The following BFSP2 variants were observed in gnomAD, a reference collection of about 807,000 sequenced individuals.
BFSP2 encodes the protein beaded filament structural protein 2, also known as phakinin.
BFSP2 carries 38 observed loss-of-function variants against 44.9 expected under a neutral mutation model. That is an observed-to-expected ratio of 0.85 (90% CI 0.65 to 1.11). The LOEUF (loss-of-function observed/expected upper bound fraction) is 1.11, where lower values mean the gene tolerates loss of function less well. Among genes scored for constraint, BFSP2 ranks in the 50% least tolerant of loss-of-function variants. The pLI is 0.00. For synonymous variants in BFSP2, 197 were observed against 209.9 expected, an observed-to-expected ratio of 0.94 and a Z score of 0.53; for missense variants, 525 against 533.0, an observed-to-expected ratio of 0.99 and a Z score of 0.15.
At chr3:133,404,840 T>TC (rs1162744114) in intron 1 of BFSP2, 1 of 152,174 alleles carries the variant, frequency 6.6e-6, no homozygotes, top group African/African-American at 2.4e-5. Flanking sequence ...ACCTCTCTCC[T>TC]CCCACTCCTC....
In BFSP2 at chr3:133,452,379, C is replaced by A. The variant is rs77229813; in HGVS notation, c.891+1915C>A. Among the ~76,000 whole-genome samples the A allele has an allele frequency of 2.9e-3, 447 of 152,298 alleles. 4 individuals are homozygous for A. The highest frequency in any genetic ancestry group is 0.01 in the African/African-American group (423 of 41,544). ...TTCAATAGCTTCCTTTCTTTCTAAC[C>A]ACCAATCATTGAGCCAGGTCACTAC... On this transcript the variant is annotated intron_variant, in intron 4 of 6. Transcript: ENST00000302334.
chr3:133,469,752 G>A (rs2074144890), intron 5 of BFSP2, among the ~76,000 whole-genome samples: 1 of 152,244 alleles, frequency 6.6e-6, no homozygotes, highest in Non-Finnish European at 1.5e-5. Flanking sequence ...CTGCCATAAT[G>A]TCAGGGACTT....
At chr3:133,401,475 A>T (rs1243925303) in intron 1 of BFSP2, among the ~76,000 whole-genome samples, 1 of 152,200 alleles carries the variant, frequency 6.6e-6, no homozygotes, top group Non-Finnish European at 1.5e-5. Context: ...AAGGATGCAG[A>T]GGTTTCATCT....
At chr3:133,460,899 G>A (rs1017943365) in intron 4 of BFSP2, among the ~76,000 whole-genome samples, 1 of 152,262 alleles carries the variant, frequency 6.6e-6, no homozygotes, top group African/African-American at 2.4e-5. Flanking sequence ...GAGTGCTCGA[G>A]TGACTTGCTC....
intron 1 of BFSP2, among the ~76,000 whole-genome samples, chr3:133,415,707 T>C (rs75285052): frequency 5.5e-4 from 54 of 98,724 alleles, no homozygotes; most frequent in South Asian, 8.1e-4. Flanking sequence ...CTCACCCCTG[T>C]CCTCTCCCCT....
chr3:133,408,415 G>C (rs938672187), intron 1 of BFSP2, among the ~76,000 whole-genome samples: 1 of 152,172 alleles, frequency 6.6e-6, no homozygotes, highest in African/African-American at 2.4e-5. Context: ...GATGGGAATA[G>C]AAAATGTTAC....
In BFSP2 at chr3:133,449,980, G is replaced by A. The variant is rs9833847; in HGVS notation, c.730-323G>A. Among the ~76,000 whole-genome samples, 12,712 of 84,926 alleles carry A rather than the reference G, an allele frequency of 0.15. 818 individuals are homozygous for A. Among genetic ancestry groups the A allele is most frequent in the African/African-American group, 0.23 (5,700 of 25,214 alleles). The allele number at this position is 84,926 out of a possible 152,430, so 55.7% of individuals were successfully genotyped here. A position where few individuals can be genotyped will look rare whatever the true frequency, so the allele number is the denominator to read the frequency against. Reference sequence around the variant, plus strand: ...GAGAGAAAGAGAAAGAAGGAAAGAAGGAAAGGAAGGAAGGAAGGAAGGAAG... The same window carrying A: ...GAGAGAAAGAGAAAGAAGGAAAGAAAGAAAGGAAGGAAGGAAGGAAGGAAG... On this transcript the variant is annotated intron_variant, in intron 3 of 6. Transcript: ENST00000302334.
chr3:133,438,360 C>G (rs1319852227), intron 1 of BFSP2, among the ~76,000 whole-genome samples: 1 of 152,174 alleles, frequency 6.6e-6, no homozygotes, highest in African/African-American at 2.4e-5. Flanking sequence ...AACCCCATCT[C>G]TACTAAAAAT....
intron 1 of BFSP2, among the ~76,000 whole-genome samples, chr3:133,406,789 A>G (rs1433072245): frequency 1.3e-5 from 2 of 152,244 alleles, no homozygotes; most frequent in Non-Finnish European, 2.9e-5. Flanking sequence ...AGTACTTGGT[A>G]TAAGAATTGG....
At chr3:133,460,154 A>G (rs2074048850) in intron 4 of BFSP2, among the ~76,000 whole-genome samples, 1 of 152,232 alleles carries the variant, frequency 6.6e-6, no homozygotes, top group African/African-American at 2.4e-5. Flanking sequence ...GAGCCAGCCA[A>G]GCTTTTATGG....
At chr3:133,450,001 GGAAGGAAGGAAGGAA>G (rs1559976112) in intron 3 of BFSP2, among the ~76,000 whole-genome samples, 1,252 of 120,292 alleles carry the variant, frequency 0.01, 21 homozygotes, top group African/African-American at 0.04. Context: ...AAGGAAGGAA[GGAAGGAAGGAAGGAA>G]GGAGGGAGGG....
At chr3:133,419,516 G>A (rs1198231629) in intron 1 of BFSP2, among the ~76,000 whole-genome samples, 1 of 152,320 alleles carries the variant, frequency 6.6e-6, no homozygotes, top group East Asian at 1.9e-4. Context: ...CGTTTGATAA[G>A]ATAGAGCTAT....
chr3:133,446,852 A>T (rs958351052), intron 1 of BFSP2, among the ~76,000 whole-genome samples: 1 of 151,622 alleles, frequency 6.6e-6, no homozygotes, highest in African/African-American at 2.4e-5. Flanking sequence ...GGTGGCCACC[A>T]TGCTGGACAG....
chr3:133,433,802 A>G (rs1559968110), intron 1 of BFSP2, among the ~76,000 whole-genome samples: 1 of 152,212 alleles, frequency 6.6e-6, no homozygotes, highest in Non-Finnish European at 1.5e-5. Flanking sequence ...AGCAACTTAA[A>G]AAGGACTGAA....
chr3:133,474,820 A>G (rs2074200052), intron 6 of BFSP2, 149 bp from the exon 7 acceptor site: 3 of 1,045,856 alleles, frequency 2.9e-6, no homozygotes, highest in South Asian at 1.3e-5. Context: ...ACAGCAAATA[A>G]CCATGGAGTA....
chr3:133,443,885 A>T (rs2073869093), intron 1 of BFSP2, among the ~76,000 whole-genome samples: 2 of 152,094 alleles, frequency 1.3e-5, no homozygotes. Context: ...CCAAATGATA[A>T]CCTTTTTTAA....
intron 1 of BFSP2, among the ~76,000 whole-genome samples, chr3:133,421,133 A>G (rs367556156): frequency 5.9e-5 from 9 of 152,098 alleles, no homozygotes; most frequent in South Asian, 2.1e-4. Context: ...CTGTTTCTCT[A>G]TCACCCAGGA....
chr3:133,456,479 G>T (rs962814967), intron 4 of BFSP2, among the ~76,000 whole-genome samples: 4 of 152,198 alleles, frequency 2.6e-5, no homozygotes, highest in Non-Finnish European at 4.4e-5. Flanking sequence ...AGGTGCAGTG[G>T]CTCATGCCTA....
At chr3:133,421,322 T>G (rs1475341055) in intron 1 of BFSP2, among the ~76,000 whole-genome samples, 1 of 152,206 alleles carries the variant, frequency 6.6e-6, no homozygotes, top group Non-Finnish European at 1.5e-5. Context: ...GCCTGGAGAC[T>G]AGAGGCTGGA....
Sources: allele counts gnomAD v4.1 joint callset (sites outside exome capture counted in the v4.1 genomes callset), GRCh38; gene constraint gnomAD v4.1.1; transcripts MANE v1.5; gene names NCBI Gene and HGNC (gene_info 2026-07-23, HGNC 2026-07-21).